TSPEAR: variants seen among roughly 807,000 people sequenced by gnomAD.
TSPEAR encodes thrombospondin-type laminin G domain and EAR repeat-containing protein.
TSPEAR carries 69 observed loss-of-function variants against 71.6 expected under a neutral mutation model. The ratio of observed to expected loss-of-function variants is 0.96; its 90% confidence interval spans 0.79 to 1.18. The LOEUF (loss-of-function observed/expected upper bound fraction) is 1.18, where lower values mean the gene tolerates loss of function less well. Ranked by LOEUF, TSPEAR falls within the 50% of genes most tolerant of loss-of-function variation. The probability of loss-of-function intolerance (pLI) is 0.00; values close to 1 mark genes in which losing one functional copy is unlikely to be tolerated. For missense variants in TSPEAR, 971 were observed against 894.9 expected, an observed-to-expected ratio of 1.09 and a Z score of -1.09; for synonymous variants, 402 against 387.2, an observed-to-expected ratio of 1.04 and a Z score of -0.45.
chr21:44,627,200 C>T (rs782435326), intron 1 of TSPEAR: 1 of 1,613,046 alleles, frequency 6.2e-7, no homozygotes, highest in Admixed American at 1.7e-5. Flanking sequence ...TCCATCCGCT[C>T]CAGCGCTTAC....
In TSPEAR at chr21:44,677,984, T is replaced by C; in HGVS notation, c.82+33449A>G. On this transcript the variant is annotated intron_variant, in intron 1 of 11. Coordinates refer to ENST00000323084, the MANE Select transcript of TSPEAR (RefSeq NM_144991.3). ...TAGTCAACCACAGAGCTGCCTGAAG[T>C]AGAGTATCGGCGGCATGGTCACAGT... The C allele has an allele frequency of 1.8e-6, 2 of 1,094,232 alleles. 1 individual carries two copies. Among genetic ancestry groups the C allele is most frequent in the Middle Eastern group, 4.0e-4 (2 of 5,010 alleles). 67.8% of individuals were successfully genotyped at this position (1,094,232 alleles called of 1,614,324 possible). A position where few individuals can be genotyped will look rare whatever the true frequency, so the allele number is the denominator to read the frequency against.
At chr21:44,580,655 G>T in intron 1 of TSPEAR, 2 of 1,430,994 alleles carry the variant, frequency 1.4e-6, no homozygotes, top group South Asian at 2.6e-5. Flanking sequence ...GAAGGAGGGA[G>T]TGAGTGAGTG....
intron 1 of TSPEAR, among the ~76,000 whole-genome samples, chr21:44,662,911 T>A (rs1347394902): frequency 6.6e-6 from 1 of 152,096 alleles, no homozygotes; most frequent in Non-Finnish European, 1.5e-5. Flanking sequence ...ATATTTTGAA[T>A]TAAATACAAA....
In TSPEAR at chr21:44,646,833, G is replaced by A. The variant is rs192041610; in HGVS notation, c.82+64600C>T. 135 of 1,566,520 alleles carry A rather than the reference G, an allele frequency of 8.6e-5. No individual in the cohort carries two copies. The East Asian group carries it at 1.5e-3, about 17-fold the overall frequency. ...CTGTCTGCTGTGGGGCTGCTTCTTC[G>A]TGCTGCCGGCAGTCTAGCTGCCAGC... On this transcript the variant is annotated intron_variant, in intron 1 of 11. Coordinates refer to ENST00000323084, the MANE Select transcript of TSPEAR (RefSeq NM_144991.3).
intron 1 of TSPEAR, chr21:44,690,657 T>A: frequency 1.1e-6 from 1 of 895,852 alleles, no homozygotes; most frequent in Non-Finnish European, 1.3e-6. Flanking sequence ...AGATAAGCAG[T>A]AAACATGACA....
chr21:44,566,806 T>A (rs1168603459), intron 2 of TSPEAR, among the ~76,000 whole-genome samples: 3 of 152,074 alleles, frequency 2.0e-5, no homozygotes, highest in African/African-American at 7.2e-5. Flanking sequence ...CAACTGAATA[T>A]CTATATACAA....
rs1416459813 is a variant in TSPEAR, at chr21:44,710,785, G to T, written c.82+648C>A. ...CTCTAGAAAAGTATTAGCGTGTCATGGTCATGAGCAAGCCAAACAGCCTTT... is the reference window on the plus strand; with the variant it reads ...CTCTAGAAAAGTATTAGCGTGTCATTGTCATGAGCAAGCCAAACAGCCTTT... On this transcript the variant is annotated intron_variant, in intron 1 of 11. Coordinates refer to ENST00000323084, the MANE Select transcript of TSPEAR (RefSeq NM_144991.3). The surrounding 1 kb of genome is among the most constrained non-coding windows in gnomAD (Gnocchi z 4.6). Among the ~76,000 whole-genome samples, 1 of 152,218 alleles carries T rather than the reference G, an allele frequency of 6.6e-6. No individual in the cohort carries two copies. The highest frequency in any genetic ancestry group is 1.5e-5 in the Non-Finnish European group (1 of 68,046).
chr21:44,530,042 G>C (rs1395332140), intron 4 of TSPEAR, 88 bp from the exon 5 acceptor site: 1 of 1,365,338 alleles, frequency 7.3e-7, no homozygotes, highest in African/African-American at 1.5e-5. Context: ...CCCATCCAGA[G>C]CCCGGAGGAG....
intron 1 of TSPEAR, among the ~76,000 whole-genome samples, chr21:44,707,238 C>T (rs986491198): frequency 6.6e-6 from 1 of 151,936 alleles, no homozygotes; most frequent in Non-Finnish European, 1.5e-5. Flanking sequence ...GCCGCTCCAC[C>T]CCTGCCCCCA....
At position 44,593,739 on chromosome 21, in the gene TSPEAR, C is replaced by A. The variant is rs587687464; in HGVS notation, c.83-25734G>T. On this transcript the variant is annotated intron_variant, in intron 1 of 11. Coordinates refer to ENST00000323084, the MANE Select transcript of TSPEAR (RefSeq NM_144991.3). This position sits in a 1 kb window ranked among gnomAD's most constrained non-coding sequence, Gnocchi z 5.9. ...CAGGCCGCGCCAGGCAAGGGACAAG[C>A]CGCGTGCCCTACACTGAGAGGACGG... Among the ~76,000 whole-genome samples the A allele has an allele frequency of 1.3e-5, 2 of 152,322 alleles. No individual in the cohort carries two copies. The highest frequency in any genetic ancestry group is 4.8e-5 in the African/African-American group (2 of 41,578).
chr21:44,554,477 T>A (rs1410285392), intron 2 of TSPEAR, among the ~76,000 whole-genome samples: 1 of 152,228 alleles, frequency 6.6e-6, no homozygotes, highest in African/African-American at 2.4e-5. Context: ...CTGGCCCAGA[T>A]ACAAAGACAG....
At chr21:44,583,145 A>G (rs1979113411) in intron 1 of TSPEAR, among the ~76,000 whole-genome samples, 1 of 151,716 alleles carries the variant, frequency 6.6e-6, no homozygotes. Flanking sequence ...ACCCGGCCAG[A>G]TCACATCATT....
In TSPEAR at chr21:44,612,253, C is replaced by A. The variant is rs782142098; in HGVS notation, c.83-44248G>T. 1.9e-6 allele frequency: 3 copies of A among 1,613,522 alleles called. No individual in the cohort carries two copies. The highest frequency in any genetic ancestry group is 2.5e-6 in the Non-Finnish European group (3 of 1,180,002). On this transcript the variant is annotated intron_variant, in intron 1 of 11. Transcript: ENST00000323084. This position sits in a 1 kb window ranked among gnomAD's most constrained non-coding sequence, Gnocchi z 4.1. ...TGGACAATTGCCAGGAAAGCTGCTG[C>A]GAGCCCCGCTCCTGTGCCTCCAGCT...
intron 1 of TSPEAR, among the ~76,000 whole-genome samples, chr21:44,608,315 T>C (rs1981439829): frequency 6.6e-6 from 1 of 152,240 alleles, no homozygotes; most frequent in Admixed American, 6.5e-5. Flanking sequence ...CAGCATGCCC[T>C]GGCTCATGAG....
chr21:44,673,076 A>G (rs114189290), intron 1 of TSPEAR, among the ~76,000 whole-genome samples: 1,594 of 152,320 alleles, frequency 0.01, 30 homozygotes, highest in African/African-American at 0.037. Flanking sequence ...TACAATTCAA[A>G]AAGATCTTTT....
intron 1 of TSPEAR, among the ~76,000 whole-genome samples, chr21:44,636,232 G>A (rs1214162244): frequency 6.6e-6 from 1 of 152,218 alleles, no homozygotes; most frequent in Non-Finnish European, 1.5e-5. Context: ...ACCCAACCCT[G>A]CCGGGTTTCC....
At chr21:44,655,588 T>A (rs1235195318) in intron 1 of TSPEAR, among the ~76,000 whole-genome samples, 4 of 152,176 alleles carry the variant, frequency 2.6e-5, no homozygotes, top group Non-Finnish European at 5.9e-5. Flanking sequence ...TTCCTCTCCC[T>A]CGCTGTGGGT....
At chr21:44,601,055 G>T in intron 1 of TSPEAR, 1 of 1,612,416 alleles carries the variant, frequency 6.2e-7, no homozygotes, top group African/African-American at 1.4e-5. Flanking sequence ...CAGTCAGCTT[G>T]CTGCACCTCC....
intron 9 of TSPEAR, among the ~76,000 whole-genome samples, chr21:44,518,036 C>G (rs1481430283): frequency 1.3e-5 from 2 of 152,168 alleles, no homozygotes; most frequent in Non-Finnish European, 2.9e-5. Context: ...AGAAGATACT[C>G]TTAACTTTAT....
Sources: allele counts gnomAD v4.1 joint callset (sites outside exome capture counted in the v4.1 genomes callset), GRCh38; gene constraint gnomAD v4.1.1; non-coding constraint Gnocchi (gnomAD v3.1); transcripts MANE v1.5; gene names NCBI Gene and HGNC (gene_info 2026-07-23, HGNC 2026-07-21).